PSMD4: variants seen among roughly 807,000 people sequenced by gnomAD.
PSMD4 encodes the protein proteasome 26S subunit ubiquitin receptor, non-ATPase 4.
A neutral mutation model predicts 39.7 loss-of-function variants in PSMD4; 5 were observed. The observed-to-expected ratio is 0.13, with a 90% confidence interval of 0.07 to 0.26. PSMD4 has a LOEUF of 0.26. Ranked by LOEUF, PSMD4 falls within the 10% of genes least tolerant of loss-of-function variation. The pLI is 1.00. For synonymous variants in PSMD4, 143 were observed against 174.6 expected, an observed-to-expected ratio of 0.82 and a Z score of 1.43; for missense variants, 272 against 486.1, an observed-to-expected ratio of 0.56 and a Z score of 4.14.
At chr1:151,256,087 T>C (rs1044335252) in intron 1 of PSMD4, among the ~76,000 whole-genome samples, 26 of 151,906 alleles carry the variant, frequency 1.7e-4, no homozygotes, top group Non-Finnish European at 2.9e-4. Context: ...CTCAGGCCTG[T>C]AATCCCAGCA....
At chr1:151,255,167 A>G (rs907618065) in intron 1 of PSMD4, among the ~76,000 whole-genome samples, 2 of 152,240 alleles carry the variant, frequency 1.3e-5, no homozygotes, top group African/African-American at 4.8e-5. Context: ...AACGTCTATT[A>G]GGAAAATAGA....
intron 1 of PSMD4, among the ~76,000 whole-genome samples, chr1:151,261,180 CTTTTTTTTTTTTTTT>C (rs587653164): frequency 8.3e-6 from 1 of 120,010 alleles, no homozygotes; most frequent in African/African-American, 3.1e-5. Flanking sequence ...TTTTCTTTTT[CTTTTTTTTTTTTTTT>C]TTTTGAGACG....
chr1:151,255,963 T>C (rs915968886), intron 1 of PSMD4, among the ~76,000 whole-genome samples: 2 of 152,102 alleles, frequency 1.3e-5, no homozygotes, highest in Non-Finnish European at 2.9e-5. Flanking sequence ...TGGTATCTCG[T>C]TGTGGTTTTG....
At chr1:151,262,339 G>C in intron 2 of PSMD4, 38 bp downstream of exon 2, 1 of 1,613,158 alleles carries the variant, frequency 6.2e-7, no homozygotes, top group Non-Finnish European at 8.5e-7. Flanking sequence ...CAGTAGGTGG[G>C]TGGTTGTTAC....
At chr1:151,265,948 A>G in intron 6 of PSMD4, 56 bp from the exon 7 acceptor site, 2 of 1,512,428 alleles carry the variant, frequency 1.3e-6, no homozygotes, top group Non-Finnish European at 1.8e-6. Context: ...TGACTTTCCC[A>G]GCTCCCTGTA....
At chr1:151,262,484 TA>T (rs753131762) in intron 2 of PSMD4, 183 bp downstream of exon 2, 7 of 676,024 alleles carry the variant, frequency 1.0e-5, no homozygotes, top group East Asian at 2.8e-5. Context: ...GTACGGAAGC[TA>T]AATCTCCTGG....
chr1:151,265,872 C>T, intron 6 of PSMD4, 132 bp from the exon 7 acceptor site: 1 of 1,286,564 alleles, frequency 7.8e-7, no homozygotes, highest in Non-Finnish European at 1.1e-6. Context: ...CTGCTTATCC[C>T]TCCAGCTTCT....
intron 6 of PSMD4, 73 bp from the exon 7 acceptor site, chr1:151,265,931 C>A (rs1693439032): frequency 6.7e-7 from 1 of 1,497,038 alleles, no homozygotes; most frequent in East Asian, 2.3e-5. Flanking sequence ...CTTTCCCACA[C>A]CCCAACTGAC....
chr1:151,267,038 G>A lies in PSMD4; in HGVS notation c.964-135G>A, dbSNP rs587624524. On this transcript the variant is annotated intron_variant, in intron 9 of 9. Transcript: ENST00000368884. ...TTTTGCTGACTTGTCCTTTCCTTAC[G>A]TCGACCAGAGGTGCCCAGATCCCCA... The A allele has an allele frequency of 2.9e-4, 310 of 1,070,636 alleles. 1 individual carries two copies. Among genetic ancestry groups the A allele is most frequent in the Non-Finnish European group, 2.5e-4 (168 of 685,394 alleles). The allele number at this position is 1,070,636 out of a possible 1,614,324, so 66.3% of individuals were successfully genotyped here.
In PSMD4 at chr1:151,265,628, C is replaced by T. The variant is rs1225301689; in HGVS notation, c.654+19C>T. On this transcript the variant is annotated intron_variant, in intron 6 of 9. Transcript: ENST00000368884. ...GGCCTTGGTGAGCAAATGTTGACCC[C>T]AGGTAGAGTCCAAAGGTCCCTCTTT... 6.2e-7 allele frequency: 1 copy of T among 1,609,236 alleles called. No homozygotes were observed. Among genetic ancestry groups the T allele is most frequent in the African/African-American group, 1.3e-5 (1 of 74,814 alleles).
At chr1:151,261,349 A>C (rs1693315617) in intron 1 of PSMD4, among the ~76,000 whole-genome samples, 1 of 149,156 alleles carries the variant, frequency 6.7e-6, no homozygotes, top group Non-Finnish European at 1.5e-5. Context: ...CTAATTTTCT[A>C]CTTTTAGTAG....
At chr1:151,262,425 G>A (rs771160744) in intron 2 of PSMD4, 124 bp downstream of exon 2, 38 of 1,211,390 alleles carry the variant, frequency 3.1e-5, no homozygotes, top group Non-Finnish European at 4.5e-5. Context: ...ACTATTTAGT[G>A]TAAATGTCAA....
chr1:151,258,454 T>G (rs1295869962), intron 1 of PSMD4, among the ~76,000 whole-genome samples: 27 of 91,530 alleles, frequency 2.9e-4, no homozygotes, highest in East Asian at 6.1e-4. Context: ...TTCGAGTGTT[T>G]TTTTTTTTTT....
chr1:151,266,192 T>A, intron 7 of PSMD4, 80 bp downstream of exon 7: 1 of 1,588,884 alleles, frequency 6.3e-7, no homozygotes, highest in Middle Eastern at 1.7e-4. Flanking sequence ...GCAGGGAGAG[T>A]GTGGAGGTCT....
chr1:151,264,754 A>G (rs1328690108), intron 3 of PSMD4, 78 bp from the exon 4 acceptor site: 1 of 1,221,382 alleles, frequency 8.2e-7, no homozygotes, highest in East Asian at 2.4e-5. Context: ...AACTGTAAGA[A>G]AAAGGGAACC....
At chr1:151,263,245 C>G (rs1693350959) in intron 2 of PSMD4, among the ~76,000 whole-genome samples, 1 of 152,138 alleles carries the variant, frequency 6.6e-6, no homozygotes, top group Non-Finnish European at 1.5e-5. Flanking sequence ...AGACGGATCA[C>G]TTGAGGTCAG....
intron 7 of PSMD4, 49 bp from the exon 8 acceptor site, chr1:151,266,259 G>C (rs982989726): frequency 6.2e-7 from 1 of 1,612,650 alleles, no homozygotes; most frequent in Non-Finnish European, 8.5e-7. Context: ...AGGCTGGCCT[G>C]TGTGGATATG....
At chr1:151,254,953 C>G (rs1177516374) in intron 1 of PSMD4, 145 bp downstream of exon 1, 1 of 1,040,010 alleles carries the variant, frequency 9.6e-7, no homozygotes, top group African/African-American at 1.7e-5. Context: ...GCTGGACTCC[C>G]TGAGTCATCC....
chr1:151,258,747 C>T (rs1390030044), intron 1 of PSMD4, among the ~76,000 whole-genome samples: 1 of 152,046 alleles, frequency 6.6e-6, no homozygotes, highest in Non-Finnish European at 1.5e-5. Context: ...AGGCATGAAC[C>T]ATCACACCCA....
Sources: gnomAD v4.1 joint callset for allele counts (sites outside exome capture counted in the v4.1 genomes callset) on GRCh38, gnomAD v4.1.1 for gene constraint, MANE v1.5 for transcripts, NCBI Gene and HGNC (gene_info 2026-07-23, HGNC 2026-07-21) for gene names.